Variants in CADPS observed in about 807,000 individuals in gnomAD.
CADPS encodes the protein calcium dependent secretion activator.
Under a neutral mutation model 167.3 loss-of-function variants are expected in CADPS, and 57 were observed. The observed-to-expected ratio is 0.34, with a 90% CI of 0.28 to 0.42. CADPS has a LOEUF of 0.42. Among genes scored for constraint, CADPS ranks in the 20% least tolerant of loss-of-function variants. The pLI is 1.00. For synonymous variants in CADPS, 676 were observed against 635.3 expected (o/e 1.06, Z -0.96); for missense variants, 1,414 against 1,738.1 (o/e 0.81, Z 3.32).
rs554833340 is a variant in CADPS at position 62,776,974 on chromosome 3, T to C, written c.442-10990A>G. Among the ~76,000 whole-genome samples, 10 of 152,216 alleles carry C rather than the reference T, an allele frequency of 6.6e-5. No individual in the cohort carries two copies. In the South Asian group the frequency reaches 1.7e-3, roughly 25 times the overall value. ...AGAATCTCTTTTGTCAGTTACAATC[T>C]AGACCCTGCCGACTCAAAAAACAAG... On this transcript the variant is annotated intron_variant, in intron 1 of 29. Coordinates refer to ENST00000383710, the MANE Select transcript of CADPS (RefSeq NM_003716.4).
chr3:62,491,550 CACACACAA>C (rs748232802), intron 20 of CADPS, 70 bp from the exon 21 acceptor site: 11,222 of 899,490 alleles, frequency 0.012, 73 homozygotes, highest in Non-Finnish European at 0.015. Flanking sequence ...CACACACACA[CACACACAA>C]ACACACACAC....
intron 2 of CADPS, among the ~76,000 whole-genome samples, chr3:62,756,935 T>C (rs557676225): frequency 1.3e-5 from 2 of 151,994 alleles, no homozygotes; most frequent in East Asian, 2.0e-4. Flanking sequence ...GGATTAGGGT[T>C]GTTGGTCTTC....
chr3:62,491,648 G>A (rs1371380499), intron 20 of CADPS, among the ~76,000 whole-genome samples, 168 bp from the exon 21 acceptor site: 5 of 151,026 alleles, frequency 3.3e-5, no homozygotes, highest in Admixed American at 3.3e-4. Context: ...GAGAAGAGAA[G>A]GAAAAAAGTA....
intron 21 of CADPS, among the ~76,000 whole-genome samples, chr3:62,483,797 T>C (rs747037092): frequency 2.0e-5 from 3 of 152,192 alleles, no homozygotes; most frequent in Non-Finnish European, 4.4e-5. Context: ...AACAAAACCG[T>C]TGGCGATTTC....
chr3:62,541,124 T>C (rs562203647), intron 11 of CADPS, among the ~76,000 whole-genome samples: 1 of 152,198 alleles, frequency 6.6e-6, no homozygotes, highest in Non-Finnish European at 1.5e-5. Context: ...TGCATCCTAA[T>C]GCTCTTTTTC....
intron 28 of CADPS, among the ~76,000 whole-genome samples, chr3:62,422,588 A>T (rs970375317): frequency 3.3e-5 from 5 of 152,136 alleles, no homozygotes; most frequent in Non-Finnish European, 7.3e-5. Context: ...GGTTAGAAAT[A>T]AATCAAGAAA....
At chr3:62,687,717 TC>T (rs535343451) in intron 3 of CADPS, among the ~76,000 whole-genome samples, 2 of 145,200 alleles carry the variant, frequency 1.4e-5, no homozygotes, top group Non-Finnish European at 3.0e-5. Flanking sequence ...CATTGCTACT[TC>T]CGGGGTTCCC....
intron 3 of CADPS, among the ~76,000 whole-genome samples, chr3:62,730,112 T>G (rs2077486881): frequency 6.7e-6 from 1 of 149,576 alleles, no homozygotes; most frequent in African/African-American, 2.6e-5. Flanking sequence ...TGAAGTAGAG[T>G]CCTTCTGTCA....
chr3:62,451,564 T>C (rs906692884), intron 26 of CADPS, among the ~76,000 whole-genome samples: 5 of 151,218 alleles, frequency 3.3e-5, no homozygotes, highest in Admixed American at 6.6e-5. Flanking sequence ...TCTGAACAGA[T>C]ACCACCGCAT....
At chr3:62,590,418 C>T (rs1261168399) in intron 7 of CADPS, among the ~76,000 whole-genome samples, 2 of 152,182 alleles carry the variant, frequency 1.3e-5, no homozygotes, top group African/African-American at 4.8e-5. Context: ...GTCTCTCTTT[C>T]CCTAGGGACA....
intron 24 of CADPS, chr3:62,470,871 T>C (rs942942385): frequency 6.6e-6 from 1 of 152,092 alleles, no homozygotes; most frequent in African/African-American, 2.4e-5. Context: ...AAACAAGAAA[T>C]GTTTACAAGC....
At chr3:62,729,165 T>A (rs1329315012) in intron 3 of CADPS, among the ~76,000 whole-genome samples, 4 of 151,860 alleles carry the variant, frequency 2.6e-5, no homozygotes, top group African/African-American at 9.7e-5. Context: ...ACTACCTGAT[T>A]TAGTGTGTCA....
At chr3:62,642,213 G>C (rs1443542198) in intron 6 of CADPS, among the ~76,000 whole-genome samples, 1 of 152,086 alleles carries the variant, frequency 6.6e-6, no homozygotes. Context: ...AGCAACCATG[G>C]AATTTGAGTA....
chr3:62,641,279 T>C (rs2067365874), intron 6 of CADPS, among the ~76,000 whole-genome samples: 1 of 152,178 alleles, frequency 6.6e-6, no homozygotes, highest in African/African-American at 2.4e-5. Context: ...AATGACCTAC[T>C]AGCATCGAAT....
chr3:62,479,688 A>G (rs2061735652), intron 22 of CADPS, among the ~76,000 whole-genome samples: 1 of 152,270 alleles, frequency 6.6e-6, no homozygotes, highest in African/African-American at 2.4e-5. Context: ...GACACGATGG[A>G]GCAGGTAACA....
chr3:62,858,603 T>A (rs1022284684), intron 1 of CADPS, among the ~76,000 whole-genome samples: 6 of 152,186 alleles, frequency 3.9e-5, no homozygotes, highest in Non-Finnish European at 7.3e-5. Flanking sequence ...AGGTAACCAA[T>A]TGTGTCTACT....
intron 1 of CADPS, among the ~76,000 whole-genome samples, chr3:62,801,981 T>G (rs1285580838): frequency 6.6e-6 from 1 of 152,190 alleles, no homozygotes; most frequent in Non-Finnish European, 1.5e-5. Flanking sequence ...ACACTTTGCT[T>G]GTTTTAAACA....
chr3:62,631,109 TAC>T (rs4019273), intron 6 of CADPS, among the ~76,000 whole-genome samples: 48,114 of 149,004 alleles, frequency 0.32, 8,827 homozygotes, highest in African/African-American at 0.53. Flanking sequence ...ATCTGTATAA[TAC>T]ACACACACAC....
chr3:62,619,816 A>G (rs1016273752), intron 6 of CADPS, among the ~76,000 whole-genome samples: 3 of 152,118 alleles, frequency 2.0e-5, no homozygotes, highest in African/African-American at 7.2e-5. Flanking sequence ...ACATTCTGAT[A>G]TTATTCAATG....
Sources: allele counts gnomAD v4.1 joint callset (sites outside exome capture counted in the v4.1 genomes callset), GRCh38; gene constraint gnomAD v4.1.1; transcripts MANE v1.5; gene names NCBI Gene and HGNC (gene_info 2026-07-23, HGNC 2026-07-21).